The following COG6 variants were observed in gnomAD, a reference collection of about 807,000 sequenced individuals.
COG6 encodes conserved oligomeric Golgi complex subunit 6.
Under a neutral mutation model 88.8 loss-of-function variants are expected in COG6, and 74 were observed. The ratio of observed to expected loss-of-function variants is 0.83; its 90% CI spans 0.69 to 1.01. COG6 has a LOEUF of 1.01. Among genes scored for constraint, COG6 ranks in the 50% least tolerant of loss-of-function variants. The pLI is 0.00. For synonymous variants in COG6, 286 were observed against 278.7 expected (o/e 1.03, Z -0.26); for missense variants, 800 against 797.9 (o/e 1.00, Z -0.03).
chr13:39,656,589 T>A (rs1354825738), intron 1 of COG6, among the ~76,000 whole-genome samples: 1 of 152,104 alleles, frequency 6.6e-6, no homozygotes, highest in African/African-American at 2.4e-5. Flanking sequence ...AAATTGGTCA[T>A]GACAGTGTAA....
At position 39,751,353 on chromosome 13, in the gene COG6, T is replaced by C; in HGVS notation, c.*260T>C. On this transcript the variant is annotated 3_prime_UTR_variant, in exon 19 of 19. Coordinates refer to ENST00000455146, the MANE Select transcript of COG6 (RefSeq NM_020751.3). ...CTAGCCATCTCTCCAGCTCTGCAGTTTTCACTGTATTCAGGAAGCATAAAG... is the reference window on the plus strand; with the variant it reads ...CTAGCCATCTCTCCAGCTCTGCAGTCTTCACTGTATTCAGGAAGCATAAAG... The C allele has an allele frequency of 7.0e-7, 1 of 1,430,498 alleles. No individual in the cohort carries two copies. The highest frequency in any genetic ancestry group is 3.2e-5 in the East Asian group (1 of 31,360). 88.6% of individuals were successfully genotyped at this position (1,430,498 alleles called of 1,614,324 possible). A position where few individuals can be genotyped will look rare whatever the true frequency, so the allele number is the denominator to read the frequency against.
chr13:39,679,939 CTAAAGTT>C lies in COG6; in HGVS notation c.624-31_624-25del. ...TTAGGTGCTTAGATGTATCTGTTGA[CTAAAGTT>C]TAAATTATAATCATTAATTTTTTTT... On this transcript the variant is annotated intron_variant, in intron 6 of 18. Coordinates refer to ENST00000455146, the MANE Select transcript of COG6 (RefSeq NM_020751.3). 3 of 1,139,920 alleles carry C rather than the reference CTAAAGTT, an allele frequency of 2.6e-6. No individual in the cohort carries two copies. The South Asian group carries it at 3.9e-5, about 15-fold the overall frequency. 70.6% of individuals were successfully genotyped at this position (1,139,920 alleles called of 1,614,324 possible).
intron 18 of COG6, among the ~76,000 whole-genome samples, chr13:39,772,842 C>A (rs1375859069): frequency 6.6e-6 from 1 of 152,256 alleles, no homozygotes; most frequent in African/African-American, 2.4e-5. Flanking sequence ...TCCAAATGTT[C>A]CAGCCAGAGG....
Position 39,752,471 on chromosome 13 carries a change from G to C in COG6, c.*1378G>C. ...TTGATTAGTATGTGTTACATATAAA[G>C]ACAGAAAATAAAGTATAAATCAAGA... On this transcript the variant is annotated 3_prime_UTR_variant, in exon 19 of 19. Transcript: ENST00000455146. 4 of 1,102,966 alleles carry C rather than the reference G, an allele frequency of 3.6e-6. No homozygotes were observed. In the South Asian group the frequency reaches 5.8e-5, roughly 16 times the overall value. The allele number at this position is 1,102,966 out of a possible 1,614,324, so 68.3% of individuals were successfully genotyped here. A position where few individuals can be genotyped will look rare whatever the true frequency, so the allele number is the denominator to read the frequency against.
intron 4 of COG6, among the ~76,000 whole-genome samples, chr13:39,673,895 G>A (rs1482050306): frequency 2.0e-5 from 3 of 151,726 alleles, no homozygotes; most frequent in East Asian, 1.9e-4. Flanking sequence ...TTTTGGAAGT[G>A]TCCTGAAATA....
intron 7 of COG6, among the ~76,000 whole-genome samples, chr13:39,680,664 T>G (rs921279868): frequency 1.3e-5 from 2 of 152,208 alleles, no homozygotes; most frequent in African/African-American, 4.8e-5. Flanking sequence ...AGCACTGAGG[T>G]CTGTGTTTCC....
chr13:39,655,791 A>G lies in COG6; in HGVS notation c.65A>G (p.Asn22Ser), dbSNP rs149055210. The G allele has an allele frequency of 2.5e-4, 401 of 1,598,752 alleles. No individual in the cohort carries two copies. In the African/African-American group the frequency reaches 4.3e-3, roughly 17 times the overall value. The change falls in exon 1 of 19, where the codon AAT becomes AGT. Residue 22 changes from asparagine to serine, a missense_variant. Physicochemically the swap from Asn to Ser is conservative, Grantham distance 46 (BLOSUM62 1). Transcript: ENST00000455146. ...SATGAANGLN[N>S]GAGGTSATTC... Reference sequence around the variant, plus strand: ...ACCGGGGCTGCCAACGGCCTCAACAATGGGGCAGGCGGGACCTCGGCGACG... The same window carrying G: ...ACCGGGGCTGCCAACGGCCTCAACAGTGGGGCAGGCGGGACCTCGGCGACG...
At chr13:39,719,400 T>C (rs1449171798) in intron 14 of COG6, 33 bp downstream of exon 14, 1 of 1,601,020 alleles carries the variant, frequency 6.2e-7, no homozygotes, top group South Asian at 1.1e-5. Context: ...ATGATTGTTT[T>C]TTGCTCTTCT....
chr13:39,658,939 G>A (rs556540507), intron 1 of COG6, among the ~76,000 whole-genome samples: 3 of 152,164 alleles, frequency 2.0e-5, no homozygotes, highest in Non-Finnish European at 4.4e-5. Flanking sequence ...AAGTATGCAT[G>A]TATATATTCC....
chr13:39,712,425 AAC>A (rs1205976453), intron 13 of COG6, among the ~76,000 whole-genome samples: 2 of 151,120 alleles, frequency 1.3e-5, no homozygotes, highest in Non-Finnish European at 2.9e-5. Context: ...GGTATTTCAA[AAC>A]AATTGATTAA....
chr13:39,764,226 T>G (rs1239591495), intron 18 of COG6, among the ~76,000 whole-genome samples: 1 of 151,912 alleles, frequency 6.6e-6, no homozygotes, highest in Admixed American at 6.6e-5. Flanking sequence ...GACCTAATAT[T>G]GGTAATTTGT....
chr13:39,679,045 A>T (rs973783209), intron 5 of COG6, among the ~76,000 whole-genome samples: 1 of 152,142 alleles, frequency 6.6e-6, no homozygotes, highest in Non-Finnish European at 1.5e-5. Context: ...TTAAATATCA[A>T]TCAACAGTTT....
At chr13:39,787,533 T>C (rs1881812101) in intron 18 of COG6, among the ~76,000 whole-genome samples, 1 of 152,150 alleles carries the variant, frequency 6.6e-6, no homozygotes, top group Admixed American at 6.5e-5. Context: ...TCAGAACAAA[T>C]AACTGACTGA....
intron 18 of COG6, among the ~76,000 whole-genome samples, chr13:39,744,593 A>G (rs1317887889): frequency 1.3e-5 from 2 of 152,226 alleles, no homozygotes; most frequent in African/African-American, 4.8e-5. Flanking sequence ...CCACTGCTCA[A>G]CAAAATAAAA....
At chr13:39,656,780 A>G in intron 1 of COG6, 1 of 455,400 alleles carries the variant, frequency 2.2e-6, no homozygotes, top group Non-Finnish European at 4.4e-6. Context: ...AAATGTGTGC[A>G]TCATGATTTG....
chr13:39,765,733 T>G (rs2138169971), intron 18 of COG6, among the ~76,000 whole-genome samples: 1 of 152,338 alleles, frequency 6.6e-6, no homozygotes, highest in Middle Eastern at 3.4e-3. Flanking sequence ...GAGCCTAAAC[T>G]TAATGTAAAA....
At position 39,723,080 on chromosome 13, in the gene COG6, G is replaced by C. The variant is rs111712116; in HGVS notation, c.1585-253G>C. ...TTTTTTGTTTGTGTTTTGTTTATTA[G>C]CAGCTTTTAAAAGGGCTGAGAAGCA... On this transcript the variant is annotated intron_variant, in intron 15 of 18. Coordinates refer to ENST00000455146, the MANE Select transcript of COG6 (RefSeq NM_020751.3). Among the ~76,000 whole-genome samples, 992 of 152,130 alleles carry C rather than the reference G, an allele frequency of 6.5e-3. 8 individuals carry two copies. The highest frequency in any genetic ancestry group is 0.022 in the African/African-American group (918 of 41,516).
At chr13:39,779,912 T>C (rs779277207) in intron 18 of COG6, among the ~76,000 whole-genome samples, 8 of 152,206 alleles carry the variant, frequency 5.3e-5, no homozygotes, top group Non-Finnish European at 8.8e-5. Flanking sequence ...CTAGATTAAA[T>C]AAAATTAAGA....
At chr13:39,682,088 G>A (rs1876345849) in intron 7 of COG6, 83 bp from the exon 8 acceptor site, 1 of 948,586 alleles carries the variant, frequency 1.1e-6, no homozygotes, top group Non-Finnish European at 1.7e-6. Flanking sequence ...GTTTGCCATA[G>A]AATTTAGACT....
Sources: allele counts gnomAD v4.1 joint callset (sites outside exome capture counted in the v4.1 genomes callset), GRCh38; gene constraint gnomAD v4.1.1; transcripts MANE v1.5; gene names NCBI Gene and HGNC (gene_info 2026-07-23, HGNC 2026-07-21).